The following PALM2AKAP2 variants were observed in gnomAD, a reference collection of about 807,000 sequenced individuals.
PALM2AKAP2 encodes the protein PALM2-AKAP2 fusion protein.
In PALM2AKAP2, 37 loss-of-function variants were observed where a neutral mutation model predicts 71.5. The observed-to-expected ratio is 0.52, with a 90% CI of 0.40 to 0.68. PALM2AKAP2 has a LOEUF of 0.68. Among genes scored for constraint, PALM2AKAP2 ranks in the 30% least tolerant of loss-of-function variants. The pLI is 0.00. For missense variants in PALM2AKAP2, 1,224 were observed against 1,191.8 expected (o/e 1.03, Z -0.40); for synonymous variants, 468 against 478.8 (o/e 0.98, Z 0.29).
intron 1 of PALM2AKAP2, among the ~76,000 whole-genome samples, chr9:109,660,348 C>A (rs575006624): frequency 1.3e-5 from 2 of 152,064 alleles, no homozygotes; most frequent in Non-Finnish European, 2.9e-5. Flanking sequence ...CCTCCCCAAC[C>A]CCCCCAACTC....
At chr9:110,149,530 C>A (rs1323518282) in intron 2 of PALM2AKAP2, among the ~76,000 whole-genome samples, 1 of 152,226 alleles carries the variant, frequency 6.6e-6, no homozygotes, top group Non-Finnish European at 1.5e-5. Flanking sequence ...TAATCCTACT[C>A]CCCCAGGAAT....
At chr9:109,691,209 A>ACG (rs1332522188) in intron 1 of PALM2AKAP2, among the ~76,000 whole-genome samples, 8 of 151,880 alleles carry the variant, frequency 5.3e-5, no homozygotes, top group African/African-American at 1.9e-4. Context: ...ACACACATGC[A>ACG]CACACAGCTT....
chr9:110,137,357 C>A (rs1372364887), exon 2 of PALM2AKAP2: 1 of 1,614,228 alleles, frequency 6.2e-7, no homozygotes, highest in East Asian at 2.2e-5. Context: ...TCCGAGACCA[C>A]CTTCTGTCGG....
At chr9:109,959,500 C>T (rs1392375106) in intron 6 of PALM2AKAP2, among the ~76,000 whole-genome samples, 1 of 151,920 alleles carries the variant, frequency 6.6e-6, no homozygotes, top group South Asian at 2.1e-4. Flanking sequence ...AAAAAACTAG[C>T]CAGGCATGGT....
intron 7 of PALM2AKAP2, among the ~76,000 whole-genome samples, chr9:110,034,604 CTTTTT>C (rs57708385): frequency 8.5e-6 from 1 of 118,334 alleles, no homozygotes; most frequent in Non-Finnish European, 1.7e-5. Context: ...ATATATTCCC[CTTTTT>C]TTTTTTTTTT....
At chr9:109,726,341 G>A (rs1488654508) in intron 1 of PALM2AKAP2, among the ~76,000 whole-genome samples, 1 of 152,208 alleles carries the variant, frequency 6.6e-6, no homozygotes, top group East Asian at 1.9e-4. Context: ...AGCAGCAATT[G>A]CAGGGCTCCC....
At chr9:110,051,997 G>A (rs372643878) in intron 1 of PALM2AKAP2, among the ~76,000 whole-genome samples, 1 of 151,464 alleles carries the variant, frequency 6.6e-6, no homozygotes, top group South Asian at 2.1e-4. Flanking sequence ...CCGCTTCCCC[G>A]GTTCACATCA....
At chr9:109,840,232 CT>C (rs981068401) in intron 1 of PALM2AKAP2, among the ~76,000 whole-genome samples, 1 of 152,206 alleles carries the variant, frequency 6.6e-6, no homozygotes, top group African/African-American at 2.4e-5. Flanking sequence ...ACCATCTGAT[CT>C]TTGACAAACC....
At chr9:109,857,047 G>T (rs34879704) in intron 1 of PALM2AKAP2, among the ~76,000 whole-genome samples, 1 of 152,054 alleles carries the variant, frequency 6.6e-6, no homozygotes, top group Non-Finnish European at 1.5e-5. Flanking sequence ...TTACTGTGAG[G>T]TCCATGCAGT....
Position 109,828,366 on chromosome 9 carries a change from A to G in PALM2AKAP2, c.46-39125A>G, listed in dbSNP as rs144641197. 3.5e-3 allele frequency among the ~76,000 whole-genome samples: 528 copies of G among 152,326 alleles called. 4 individuals carry two copies. The highest frequency in any genetic ancestry group is 5.6e-3 in the Non-Finnish European group (383 of 68,024). On this transcript the variant is annotated intron_variant, in intron 1 of 9. Coordinates refer to the PALM2AKAP2 transcript ENST00000302798. ...TTCTATTCCTATTCTTTGAGTTTAT[A>G]TGCCAGAAATGGAGTGGGCATGTGT...
chr9:109,915,992 A>G (rs1230065766), intron 3 of PALM2AKAP2, among the ~76,000 whole-genome samples: 2 of 151,844 alleles, frequency 1.3e-5, no homozygotes, highest in Admixed American at 6.6e-5. Flanking sequence ...CGCCCAGGCT[A>G]GAGTGAAATG....
At chr9:110,144,361 A>T (rs894372680) in intron 2 of PALM2AKAP2, among the ~76,000 whole-genome samples, 1 of 152,248 alleles carries the variant, frequency 6.6e-6, no homozygotes, top group East Asian at 1.9e-4. Flanking sequence ...GTCCACCACC[A>T]TATTTCTAGA....
At chr9:109,713,124 T>C (rs1416671698) in intron 1 of PALM2AKAP2, among the ~76,000 whole-genome samples, 3 of 152,184 alleles carry the variant, frequency 2.0e-5, no homozygotes, top group Non-Finnish European at 4.4e-5. Flanking sequence ...TGGGCCATTG[T>C]GGAGTTTGGG....
intron 1 of PALM2AKAP2, among the ~76,000 whole-genome samples, chr9:109,847,087 T>C (rs1408161808): frequency 1.3e-5 from 2 of 152,044 alleles, no homozygotes; most frequent in Non-Finnish European, 2.9e-5. Flanking sequence ...TATATCCGCA[T>C]CAAATCCCTG....
chr9:110,037,135 G>A (rs1442476196), intron 7 of PALM2AKAP2, among the ~76,000 whole-genome samples: 1 of 150,286 alleles, frequency 6.7e-6, no homozygotes, highest in African/African-American at 2.4e-5. Context: ...CATTGTCCAT[G>A]CCATATTAGG....
At chr9:109,749,253 C>T (rs1828849811) in intron 1 of PALM2AKAP2, among the ~76,000 whole-genome samples, 1 of 152,146 alleles carries the variant, frequency 6.6e-6, no homozygotes, top group South Asian at 2.1e-4. Context: ...CCAGGTCTCT[C>T]ACAGTATCTA....
chr9:110,091,134 T>G (rs1350625858), intron 1 of PALM2AKAP2, among the ~76,000 whole-genome samples: 1 of 152,164 alleles, frequency 6.6e-6, no homozygotes, highest in Non-Finnish European at 1.5e-5. Flanking sequence ...GTTTGTGTGC[T>G]TCTCTTAGAA....
At chr9:110,139,596 G>C (rs1457725263) in intron 2 of PALM2AKAP2, among the ~76,000 whole-genome samples, 2 of 151,960 alleles carry the variant, frequency 1.3e-5, no homozygotes, top group Non-Finnish European at 2.9e-5. Flanking sequence ...TACCCTAAAG[G>C]ATAATTGTTG....
chr9:109,915,164 T>A (rs1443536996), intron 3 of PALM2AKAP2, among the ~76,000 whole-genome samples: 1 of 152,182 alleles, frequency 6.6e-6, no homozygotes, highest in East Asian at 1.9e-4. Context: ...ACTCAGATAA[T>A]GAAAGATATA....
Sources: gnomAD v4.1 joint callset for allele counts (sites outside exome capture counted in the v4.1 genomes callset) on GRCh38, gnomAD v4.1.1 for gene constraint, MANE v1.5 for transcripts, NCBI Gene and HGNC (gene_info 2026-07-23, HGNC 2026-07-21) for gene names.